Variants in NKAIN2 observed in about 807,000 individuals in gnomAD.
NKAIN2 encodes sodium/potassium-transporting ATPase subunit beta-1-interacting protein 2.
NKAIN2 carries 14 observed loss-of-function variants against 32.6 expected under a neutral mutation model. The observed-to-expected ratio is 0.43, with a 90% CI of 0.28 to 0.67. The LOEUF is 0.67. Among genes scored for constraint, NKAIN2 ranks in the 30% least tolerant of loss-of-function variants. The probability of loss-of-function intolerance (pLI) is 0.17; values close to 1 mark genes in which losing one functional copy is unlikely to be tolerated. For missense variants in NKAIN2, 198 were observed against 258.3 expected, an observed-to-expected ratio of 0.77 and a Z score of 1.60; for synonymous variants, 80 against 87.2, an observed-to-expected ratio of 0.92 and a Z score of 0.46.
intron 3 of NKAIN2, among the ~76,000 whole-genome samples, chr6:124,531,862 G>A (rs1779539342): frequency 6.6e-6 from 1 of 152,096 alleles, no homozygotes; most frequent in Non-Finnish European, 1.5e-5. Context: ...GTACAGACGG[G>A]GTTTCACCAT....
chr6:124,772,393 T>C (rs1778795697), intron 4 of NKAIN2, among the ~76,000 whole-genome samples: 1 of 152,156 alleles, frequency 6.6e-6, no homozygotes, highest in Non-Finnish European at 1.5e-5. Context: ...GGAAGAGGAC[T>C]CTGTGCTGTA....
intron 1 of NKAIN2, among the ~76,000 whole-genome samples, chr6:123,970,274 A>G (rs906320899): frequency 2.6e-5 from 4 of 152,306 alleles, no homozygotes; most frequent in East Asian, 1.9e-4. Context: ...CACAAAATCA[A>G]ATGGTAAGGC....
intron 1 of NKAIN2, among the ~76,000 whole-genome samples, chr6:123,810,169 A>G (rs1773399669): frequency 6.6e-6 from 1 of 151,994 alleles, no homozygotes; most frequent in African/African-American, 2.4e-5. Context: ...AGGCCTTGAA[A>G]CGTTAAGCTG....
intron 3 of NKAIN2, among the ~76,000 whole-genome samples, chr6:124,484,186 G>T (rs951376545): frequency 6.6e-6 from 1 of 152,168 alleles, no homozygotes; most frequent in Non-Finnish European, 1.5e-5. Flanking sequence ...CTATGGAACT[G>T]CTCCTCAGAG....
intron 3 of NKAIN2, among the ~76,000 whole-genome samples, chr6:124,374,939 A>G (rs559213509): frequency 7.9e-5 from 12 of 152,170 alleles, no homozygotes; most frequent in African/African-American, 2.2e-4. Context: ...GGCCTCTGCT[A>G]TCTCCTCAGC....
chr6:123,862,408 T>C (rs1220742578), intron 1 of NKAIN2, among the ~76,000 whole-genome samples: 1 of 152,184 alleles, frequency 6.6e-6, no homozygotes, highest in East Asian at 1.9e-4. Context: ...ACAGCTTACA[T>C]GGACTATAGT....
chr6:124,761,995 C>G (rs1778290637), intron 4 of NKAIN2, among the ~76,000 whole-genome samples: 1 of 152,170 alleles, frequency 6.6e-6, no homozygotes, highest in South Asian at 2.1e-4. Flanking sequence ...CCCTGGTTCT[C>G]TCACACCTTT....
chr6:123,825,084 C>T (rs1055718649), intron 1 of NKAIN2, among the ~76,000 whole-genome samples: 1 of 152,142 alleles, frequency 6.6e-6, no homozygotes, highest in African/African-American at 2.4e-5. Context: ...AATGTGGGCA[C>T]TTTCTAGCTG....
At chr6:124,297,357 A>G (rs1796097938) in intron 2 of NKAIN2, among the ~76,000 whole-genome samples, 1 of 152,228 alleles carries the variant, frequency 6.6e-6, no homozygotes, top group African/African-American at 2.4e-5. Context: ...AGAAAATATT[A>G]AGAAAATAAT....
chr6:123,899,752 T>C (rs980546545), intron 1 of NKAIN2, among the ~76,000 whole-genome samples: 1 of 152,174 alleles, frequency 6.6e-6, no homozygotes, highest in East Asian at 1.9e-4. Context: ...AGGTGGGGAT[T>C]GTGACTTGTG....
chr6:123,853,615 A>G (rs895105016), intron 1 of NKAIN2, among the ~76,000 whole-genome samples: 1 of 152,202 alleles, frequency 6.6e-6, no homozygotes, highest in Non-Finnish European at 1.5e-5. Context: ...TACATGGAGT[A>G]ATGACAAAAA....
chr6:123,822,053 T>G (rs1178800615), intron 1 of NKAIN2, among the ~76,000 whole-genome samples: 1 of 152,190 alleles, frequency 6.6e-6, no homozygotes, highest in Non-Finnish European at 1.5e-5. Flanking sequence ...TCAAACCTTA[T>G]GTGGAATTAA....
At chr6:124,188,533 T>A (rs1789860651) in intron 1 of NKAIN2, among the ~76,000 whole-genome samples, 1 of 152,250 alleles carries the variant, frequency 6.6e-6, no homozygotes, top group African/African-American at 2.4e-5. Flanking sequence ...TTTGATTGAA[T>A]AACTGGCCTA....
In NKAIN2 at chr6:124,158,557, C is replaced by T. The variant is rs559878875; in HGVS notation, c.55-124448C>T. ...TGTTACTAAAATCTGTAAAGTTCTG[C>T]AATGAGGTGGAAGAAGTTTGGCACT... is the stretch of plus-strand genomic sequence containing the variant. On this transcript the variant is annotated intron_variant, in intron 1 of 6. Transcript: ENST00000368417. Among the ~76,000 whole-genome samples the T allele has an allele frequency of 3.3e-5, 5 of 152,202 alleles. No individual in the cohort carries two copies. The South Asian group carries it at 1.0e-3, about 32-fold the overall frequency.
chr6:124,652,725 G>A (rs778793486), intron 3 of NKAIN2, among the ~76,000 whole-genome samples: 3 of 152,138 alleles, frequency 2.0e-5, no homozygotes, highest in Non-Finnish European at 4.4e-5. Flanking sequence ...GGCACAGAGA[G>A]TGCAAGAGAG....
At chr6:124,122,781 C>T (rs77325914) in intron 1 of NKAIN2, among the ~76,000 whole-genome samples, 1,719 of 152,128 alleles carry the variant, frequency 0.011, 75 homozygotes, top group East Asian at 0.082. Context: ...CTCTTTGCCC[C>T]TGGTTGAAGA....
chr6:124,403,703 G>C (rs950127119), intron 3 of NKAIN2, among the ~76,000 whole-genome samples: 1 of 152,110 alleles, frequency 6.6e-6, no homozygotes, highest in East Asian at 1.9e-4. Context: ...TGGGAGGAGA[G>C]AAATCAAAAA....
At chr6:124,396,762 A>G (rs900529881) in intron 3 of NKAIN2, among the ~76,000 whole-genome samples, 2 of 152,218 alleles carry the variant, frequency 1.3e-5, no homozygotes, top group African/African-American at 2.4e-5. Flanking sequence ...TGTATGAGGC[A>G]TCAAAGATGA....
chr6:124,764,511 A>G (rs1245561189), intron 4 of NKAIN2, among the ~76,000 whole-genome samples: 1 of 152,182 alleles, frequency 6.6e-6, no homozygotes, highest in African/African-American at 2.4e-5. Context: ...CGTAAGCTAC[A>G]AGAGACAGGC....
Sources: gnomAD v4.1 joint callset for allele counts (sites outside exome capture counted in the v4.1 genomes callset) on GRCh38, gnomAD v4.1.1 for gene constraint, MANE v1.5 for transcripts, NCBI Gene and HGNC (gene_info 2026-07-23, HGNC 2026-07-21) for gene names.